The following NRXN3 variants were observed in gnomAD, a reference collection of about 807,000 sequenced individuals.
NRXN3 encodes the protein neurexin III.
Under a neutral mutation model 137.6 loss-of-function variants are expected in NRXN3, and 32 were observed. The ratio of observed to expected loss-of-function variants is 0.23; its 90% CI spans 0.18 to 0.31. The LOEUF is 0.31. Among genes scored for constraint, NRXN3 ranks in the 10% least tolerant of loss-of-function variants. The pLI is 1.00. For synonymous variants in NRXN3, 798 were observed against 784.5 expected (o/e 1.02, Z -0.29); for missense variants, 1,574 against 2,062.5 (o/e 0.76, Z 4.59).
chr14:78,997,942 A>G lies in NRXN3; in HGVS notation c.3262+9801A>G, dbSNP rs564091293. Among the ~76,000 whole-genome samples the G allele has an allele frequency of 5.3e-5, 8 of 152,328 alleles. No homozygotes were observed. In the East Asian group the frequency reaches 1.3e-3, roughly 26 times the overall value. On this transcript the variant is annotated intron_variant, in intron 15 of 20. Coordinates refer to ENST00000335750, the MANE Select transcript of NRXN3 (RefSeq NM_001330195.2). ...TTCTCCAGCTCCATGTCAGCTCTGC[A>G]TTCTAGCCAGCTGAGAGTCTCTTCT...
chr14:78,997,937 T>G (rs967830616), intron 15 of NRXN3, among the ~76,000 whole-genome samples: 2 of 152,232 alleles, frequency 1.3e-5, no homozygotes, highest in Non-Finnish European at 2.9e-5. Flanking sequence ...CCATGTCAGC[T>G]CTGCATTCTA....
intron 2 of NRXN3, among the ~76,000 whole-genome samples, chr14:78,274,690 T>C (rs1480398486): frequency 6.6e-6 from 1 of 152,224 alleles, no homozygotes; most frequent in Non-Finnish European, 1.5e-5. Flanking sequence ...TCCATGGGAT[T>C]CAGAGTGGAG....
intron 15 of NRXN3, among the ~76,000 whole-genome samples, chr14:79,168,145 G>T (rs2153084961): frequency 6.6e-6 from 1 of 152,012 alleles, no homozygotes; most frequent in African/African-American, 2.4e-5. Flanking sequence ...CCAATCCTCA[G>T]CATATCACAC....
chr14:78,830,774 G>GT (rs2098979455), intron 10 of NRXN3, among the ~76,000 whole-genome samples: 1 of 151,382 alleles, frequency 6.6e-6, no homozygotes, highest in South Asian at 2.1e-4. Flanking sequence ...AGCAAATATT[G>GT]TAAGGGAATA....
At chr14:78,332,615 G>T (rs991911236) in intron 4 of NRXN3, among the ~76,000 whole-genome samples, 8 of 152,096 alleles carry the variant, frequency 5.3e-5, no homozygotes, top group African/African-American at 1.9e-4. Flanking sequence ...CACCCAGCCT[G>T]TACCATATTT....
chr14:78,954,767 G>T (rs1016392731), intron 10 of NRXN3, among the ~76,000 whole-genome samples: 8 of 130,392 alleles, frequency 6.1e-5, no homozygotes, highest in Admixed American at 2.3e-4. Context: ...ACCTGGCCTG[G>T]TTTTTTTTTT....
chr14:79,211,267 A>G (rs2067619634), intron 15 of NRXN3, among the ~76,000 whole-genome samples: 1 of 152,194 alleles, frequency 6.6e-6, no homozygotes, highest in Non-Finnish European at 1.5e-5. Flanking sequence ...TTATGAATCA[A>G]TACATAAAAT....
chr14:78,855,954 G>A (rs1223296408), intron 10 of NRXN3, among the ~76,000 whole-genome samples: 1 of 152,160 alleles, frequency 6.6e-6, no homozygotes, highest in East Asian at 1.9e-4. Context: ...CAATCACTAA[G>A]TAGCTTTCTG....
chr14:78,495,122 GGT>G (rs199921709), intron 4 of NRXN3, among the ~76,000 whole-genome samples: 805 of 75,180 alleles, frequency 0.011, 6 homozygotes, highest in African/African-American at 0.034. Flanking sequence ...GTATATGTGG[GGT>G]GTGTGTGTGC....
At chr14:79,008,618 C>A (rs1460934974) in intron 15 of NRXN3, among the ~76,000 whole-genome samples, 1 of 151,660 alleles carries the variant, frequency 6.6e-6, no homozygotes, top group Non-Finnish European at 1.5e-5. Flanking sequence ...ATTCAGATGA[C>A]CCCAATGAAT....
intron 15 of NRXN3, among the ~76,000 whole-genome samples, chr14:79,464,267 T>G (rs1452129452): frequency 6.6e-6 from 1 of 152,192 alleles, no homozygotes; most frequent in Non-Finnish European, 1.5e-5. Context: ...ACTTTGTATC[T>G]TTTATGCTTT....
chr14:78,307,238 A>C (rs1353677892), intron 4 of NRXN3, among the ~76,000 whole-genome samples: 1 of 151,998 alleles, frequency 6.6e-6, no homozygotes, highest in Non-Finnish European at 1.5e-5. Context: ...CCACATAAAT[A>C]CCATCCAAAT....
intron 8 of NRXN3, among the ~76,000 whole-genome samples, chr14:78,729,059 A>G (rs1381222671): frequency 1.3e-5 from 2 of 152,212 alleles, no homozygotes; most frequent in Non-Finnish European, 2.9e-5. Flanking sequence ...CAATAACATA[A>G]TTGTGTAAAA....
chr14:78,350,109 G>A (rs2083282002), intron 4 of NRXN3, among the ~76,000 whole-genome samples: 1 of 152,094 alleles, frequency 6.6e-6, no homozygotes, highest in Non-Finnish European at 1.5e-5. Flanking sequence ...CCAACATGGT[G>A]AAACCCTGTC....
chr14:78,796,096 T>A (rs1478669824), intron 8 of NRXN3, among the ~76,000 whole-genome samples: 2 of 152,190 alleles, frequency 1.3e-5, no homozygotes, highest in Non-Finnish European at 2.9e-5. Context: ...GTATTATGGG[T>A]AGGCATAGCC....
intron 6 of NRXN3, among the ~76,000 whole-genome samples, chr14:78,683,881 T>C (rs1339459270): frequency 1.3e-5 from 2 of 152,208 alleles, no homozygotes; most frequent in African/African-American, 4.8e-5. Flanking sequence ...GTTTATTTTA[T>C]GTTAGTTACA....
chr14:79,096,059 C>A (rs888301611), intron 15 of NRXN3, among the ~76,000 whole-genome samples: 3 of 151,554 alleles, frequency 2.0e-5, no homozygotes, highest in Non-Finnish European at 2.9e-5. Flanking sequence ...TCCTGAGGCC[C>A]CTCCTCCTTC....
At position 78,191,364 on chromosome 14, in the gene NRXN3, A is replaced by G. The variant is rs191606738; in HGVS notation, c.-704+20690A>G. ...ATGGCTTCCCTCGGTATACCCCTTT[A>G]CAAGTGTGATTTGAACCTAGACTGA... On this transcript the variant is annotated intron_variant, in intron 1 of 20. Transcript: ENST00000335750. Among the ~76,000 whole-genome samples, 530 of 152,184 alleles carry G rather than the reference A, an allele frequency of 3.5e-3. 3 individuals are homozygous for G. Among genetic ancestry groups the G allele is most frequent in the Non-Finnish European group, 6.0e-3 (406 of 68,016 alleles).
chr14:78,557,510 T>C (rs2152246318), intron 4 of NRXN3, among the ~76,000 whole-genome samples: 1 of 152,298 alleles, frequency 6.6e-6, no homozygotes, highest in Middle Eastern at 3.4e-3. Flanking sequence ...GTGTCATCCA[T>C]AAAATGGAGC....
Sources: gnomAD v4.1 joint callset for allele counts (sites outside exome capture counted in the v4.1 genomes callset) on GRCh38, gnomAD v4.1.1 for gene constraint, MANE v1.5 for transcripts, NCBI Gene and HGNC (gene_info 2026-07-23, HGNC 2026-07-21) for gene names.